The following LMO7 variants were observed in gnomAD, a reference collection of about 807,000 sequenced individuals.
LMO7 encodes LIM domain 7, also known as LIM domain only protein 7.
Under a neutral mutation model 206.5 loss-of-function variants are expected in LMO7, and 120 were observed. That is an observed-to-expected ratio of 0.58 (90% CI 0.50 to 0.68). LMO7 has a LOEUF of 0.68. Among genes scored for constraint, LMO7 ranks in the 30% least tolerant of loss-of-function variants. The pLI, the probability that LMO7 is intolerant of heterozygous loss-of-function variation, is 0.00. For synonymous variants in LMO7, 706 were observed against 681.5 expected (o/e 1.04, Z -0.56); for missense variants, 1,959 against 1,957.9 (o/e 1.00, Z -0.01).
chr13:75,800,233 G>C (rs2054558033), intron 6 of LMO7, among the ~76,000 whole-genome samples: 1 of 152,172 alleles, frequency 6.6e-6, no homozygotes, highest in African/African-American at 2.4e-5. Flanking sequence ...ATTTCCTGGA[G>C]ATAGAGTGAA....
chr13:75,781,066 G>A (rs985371583), intron 4 of LMO7, among the ~76,000 whole-genome samples: 1 of 138,860 alleles, frequency 7.2e-6, no homozygotes, highest in African/African-American at 2.6e-5. Context: ...TGATGTCTTG[G>A]GAGTATTTTT....
intron 4 of LMO7, among the ~76,000 whole-genome samples, chr13:75,771,005 A>C (rs1486531189): frequency 2.6e-5 from 4 of 152,100 alleles, no homozygotes; most frequent in African/African-American, 4.8e-5. Flanking sequence ...CGTTCTTTCT[A>C]GGGCTATGTG....
rs147299038 is a variant in LMO7 at position 75,695,438 on chromosome 13, C to T, written c.70-17744C>T. On this transcript the variant is annotated intron_variant, in intron 1 of 30. Coordinates refer to ENST00000377534, the MANE Select transcript of LMO7 (RefSeq NM_001306080.2). ...GTGCACTCACTGCAACCTCCGCCTC[C>T]CGGGTTCAAGCGATTCTCCTGTCTC... 3.0e-3 allele frequency among the ~76,000 whole-genome samples: 452 copies of T among 152,350 alleles called. 1 individual carries two copies. Among genetic ancestry groups the T allele is most frequent in the African/African-American group, 0.01 (431 of 41,594 alleles).
intron 15 of LMO7, among the ~76,000 whole-genome samples, chr13:75,831,849 T>C (rs977469249): frequency 3.9e-5 from 6 of 152,270 alleles, no homozygotes; most frequent in African/African-American, 1.4e-4. Flanking sequence ...AATTTTAACA[T>C]GAGTTTTGGT....
chr13:75,767,751 T>C (rs921354124), intron 4 of LMO7, among the ~76,000 whole-genome samples: 1 of 152,084 alleles, frequency 6.6e-6, no homozygotes, highest in African/African-American at 2.4e-5. Context: ...TGTGTATCCG[T>C]GGTTGTGAAC....
At chr13:75,657,360 T>C (rs951972768) in intron 1 of LMO7, among the ~76,000 whole-genome samples, 1 of 152,226 alleles carries the variant, frequency 6.6e-6, no homozygotes, top group African/African-American at 2.4e-5. Context: ...ATCACTGATA[T>C]CCTTTTTGGG....
intron 8 of LMO7, chr13:75,804,899 A>G (rs554254413): frequency 9.8e-7 from 1 of 1,020,576 alleles, no homozygotes; most frequent in South Asian, 4.1e-5. Context: ...TTTCTCAGCA[A>G]ATTAGCAGAA....
In LMO7 at chr13:75,756,760, G is replaced by A. The variant is rs565935623; in HGVS notation, c.211-4172G>A. On this transcript the variant is annotated intron_variant, in intron 3 of 30. Transcript: ENST00000377534. ...AAGTTGAGAGGAACTTTACTTAAGG[G>A]CCATACTTAAGGAATTACACCTGAA... is the stretch of plus-strand genomic sequence containing the variant. Among the ~76,000 whole-genome samples the A allele has an allele frequency of 2.6e-5, 4 of 152,230 alleles. No individual in the cohort carries two copies. In the East Asian group the frequency reaches 7.7e-4, roughly 29 times the overall value.
chr13:75,626,595 A>ATATATATATTTTTTTTTTTTTTTT, intron 2 of LMO7, among the ~76,000 whole-genome samples: 17 of 71,174 alleles, frequency 2.4e-4, no homozygotes, highest in East Asian at 1.2e-3. Context: ...ATATATATAA[A>ATATATATATTTTTTTTTTTTTTTT]TTTTTTTGAG....
chr13:75,785,654 G>A (rs988817975), intron 4 of LMO7, among the ~76,000 whole-genome samples: 3 of 152,128 alleles, frequency 2.0e-5, no homozygotes, highest in African/African-American at 7.2e-5. Flanking sequence ...CAATTTGCTA[G>A]TATGTGTATT....
chr13:75,802,286 G>C (rs1159385722), intron 7 of LMO7, among the ~76,000 whole-genome samples: 2 of 152,162 alleles, frequency 1.3e-5, no homozygotes, highest in Non-Finnish European at 2.9e-5. Flanking sequence ...ACTGCCACAC[G>C]TATTGGCTGT....
intron 3 of LMO7, among the ~76,000 whole-genome samples, chr13:75,728,954 C>T (rs1485364808): frequency 1.3e-5 from 2 of 151,052 alleles, no homozygotes; most frequent in African/African-American, 4.9e-5. Context: ...AGCATTATTT[C>T]TCAGGGCTCT....
chr13:75,724,807 G>A (rs967651459), intron 2 of LMO7, among the ~76,000 whole-genome samples: 1 of 152,126 alleles, frequency 6.6e-6, no homozygotes, highest in Non-Finnish European at 1.5e-5. Context: ...CCGTCTTGTA[G>A]TCCTTAGAAT....
intron 1 of LMO7, among the ~76,000 whole-genome samples, chr13:75,657,073 A>G (rs986350751): frequency 2.0e-5 from 3 of 152,330 alleles, no homozygotes; most frequent in Non-Finnish European, 2.9e-5. Context: ...AGAGGCAGAC[A>G]TGCACAGAGG....
chr13:75,625,686 T>C (rs561417012), intron 2 of LMO7, among the ~76,000 whole-genome samples: 2 of 152,202 alleles, frequency 1.3e-5, no homozygotes, highest in Admixed American at 6.5e-5. Context: ...AAGAGATTTA[T>C]AGTAGAGTCA....
intron 1 of LMO7, among the ~76,000 whole-genome samples, chr13:75,684,655 G>A (rs2040827904): frequency 6.6e-6 from 1 of 151,694 alleles, no homozygotes; most frequent in African/African-American, 2.4e-5. Flanking sequence ...TAAATAGAAG[G>A]AAAAATAGGG....
At chr13:75,750,212 A>AT (rs1594728945) in intron 3 of LMO7, among the ~76,000 whole-genome samples, 1 of 152,200 alleles carries the variant, frequency 6.6e-6, no homozygotes, top group African/African-American at 2.4e-5. Flanking sequence ...TAAGAATAAG[A>AT]TTCAAGTACT....
At chr13:75,642,947 C>T (rs556469110) in intron 1 of LMO7, among the ~76,000 whole-genome samples, 87 of 152,168 alleles carry the variant, frequency 5.7e-4, no homozygotes, top group Non-Finnish European at 1.1e-3. Flanking sequence ...GTTCTATTTC[C>T]TCTTAAGCCA....
chr13:75,650,464 C>A (rs2098885293), intron 1 of LMO7, among the ~76,000 whole-genome samples: 1 of 152,034 alleles, frequency 6.6e-6, no homozygotes, highest in South Asian at 2.1e-4. Context: ...TCCTGCTCTC[C>A]CCAGAGATCC....
Sources: allele counts gnomAD v4.1 joint callset (sites outside exome capture counted in the v4.1 genomes callset), GRCh38; gene constraint gnomAD v4.1.1; transcripts MANE v1.5; gene names NCBI Gene and HGNC (gene_info 2026-07-23, HGNC 2026-07-21).